The following PEMT variants were observed in gnomAD, a reference collection of about 807,000 sequenced individuals.
PEMT encodes phospholipid methyltransferase.
PEMT carries 23 observed loss-of-function variants against 27.4 expected under a neutral mutation model. The ratio of observed to expected loss-of-function variants is 0.84; its 90% CI spans 0.60 to 1.19. PEMT has a LOEUF of 1.19. Among genes scored for constraint, PEMT ranks in the 50% most tolerant of loss-of-function variants. The pLI, the probability that PEMT is intolerant of heterozygous loss-of-function variation, is 0.00. For synonymous variants in PEMT, 137 were observed against 139.1 expected (o/e 0.98, Z 0.11); for missense variants, 307 against 310.1 (o/e 0.99, Z 0.07).
chr17:17,581,359 T>C (rs1026626787), intron 1 of PEMT, among the ~76,000 whole-genome samples: 10 of 152,152 alleles, frequency 6.6e-5, no homozygotes, highest in African/African-American at 2.4e-4. Context: ...TAAAGCCTTG[T>C]TGTTAGCCTA....
chr17:17,576,434 G>C (rs1911593760), intron 2 of PEMT, among the ~76,000 whole-genome samples: 1 of 152,242 alleles, frequency 6.6e-6, no homozygotes, highest in Non-Finnish European at 1.5e-5. Context: ...GGTCCGGAAT[G>C]CGCAGGCCGT....
chr17:17,558,232 C>T (rs186653304), intron 2 of PEMT, among the ~76,000 whole-genome samples: 13 of 152,132 alleles, frequency 8.5e-5, no homozygotes, highest in African/African-American at 1.9e-4. Flanking sequence ...TAGGGCTGGG[C>T]GTGGTGGCTC....
At chr17:17,562,684 T>C (rs8079427) in intron 2 of PEMT, among the ~76,000 whole-genome samples, 95,720 of 152,048 alleles carry the variant, frequency 0.63, 31,133 homozygotes, top group African/African-American at 0.8. Flanking sequence ...TGGCACACAC[T>C]GGTAGTCCCA....
intron 2 of PEMT, chr17:17,570,705 A>G (rs886701200): frequency 1.0e-6 from 1 of 985,354 alleles, no homozygotes. Context: ...GGGACAGGGG[A>G]AAAGTTCCAT....
At chr17:17,556,534 T>C (rs1278357446) in intron 2 of PEMT, among the ~76,000 whole-genome samples, 1 of 152,096 alleles carries the variant, frequency 6.6e-6, no homozygotes, top group Admixed American at 6.6e-5. Context: ...CCACCACACC[T>C]GGCTGTTTTT....
At chr17:17,589,783 A>C (rs1257352880) in intron 1 of PEMT, among the ~76,000 whole-genome samples, 1 of 152,200 alleles carries the variant, frequency 6.6e-6, no homozygotes, top group African/African-American at 2.4e-5. Flanking sequence ...TTCTTTCTTT[A>C]AGAAAAATCC....
intron 4 of PEMT, among the ~76,000 whole-genome samples, chr17:17,509,791 T>TCGAG (rs1386379956): frequency 6.6e-6 from 1 of 152,176 alleles, no homozygotes; most frequent in East Asian, 1.9e-4. Context: ...GCTCCTCTTC[T>TCGAG]CGAGCACTCT....
chr17:17,519,880 G>A (rs891978931), intron 3 of PEMT, among the ~76,000 whole-genome samples: 11 of 152,210 alleles, frequency 7.2e-5, no homozygotes, highest in Non-Finnish European at 5.9e-5. Flanking sequence ...GCCTTGTGGC[G>A]CTGGCCGGTG....
intron 2 of PEMT, among the ~76,000 whole-genome samples, chr17:17,558,823 C>A (rs1910262307): frequency 6.6e-6 from 1 of 152,094 alleles, no homozygotes; most frequent in Admixed American, 6.6e-5. Flanking sequence ...CCAGCCGACA[C>A]CCCTCCCAGA....
intron 1 of PEMT, among the ~76,000 whole-genome samples, chr17:17,579,139 CA>C (rs528852327): frequency 2.8e-4 from 42 of 152,312 alleles, no homozygotes; most frequent in African/African-American, 9.9e-4. Flanking sequence ...CCCTGGGGGG[CA>C]AGCGCAGCCT....
At chr17:17,566,397 C>T (rs1342526223) in intron 2 of PEMT, among the ~76,000 whole-genome samples, 1 of 152,242 alleles carries the variant, frequency 6.6e-6, no homozygotes, top group African/African-American at 2.4e-5. Context: ...ACCATCCATG[C>T]CTCACAGCAC....
At chr17:17,568,427 C>T (rs1234556781) in intron 2 of PEMT, among the ~76,000 whole-genome samples, 2 of 152,268 alleles carry the variant, frequency 1.3e-5, no homozygotes, top group Non-Finnish European at 2.9e-5. Flanking sequence ...CCTTGTTAAT[C>T]CAGTGCCAGC....
chr17:17,522,125 GGGGTA>G (rs1334295479), intron 3 of PEMT, among the ~76,000 whole-genome samples, 150 bp downstream of exon 3: 4 of 152,202 alleles, frequency 2.6e-5, no homozygotes, highest in Admixed American at 2.6e-4. Context: ...ACGGCTGGGA[GGGGTA>G]GGGTGGCTTG....
chr17:17,567,684 C>T (rs904893716), intron 2 of PEMT, among the ~76,000 whole-genome samples: 3 of 152,186 alleles, frequency 2.0e-5, no homozygotes, highest in Admixed American at 6.5e-5. Context: ...CAGACAGGAG[C>T]GGGGGAGAGC....
chr17:17,524,118 C>T (rs569990547), intron 2 of PEMT, among the ~76,000 whole-genome samples: 6 of 152,290 alleles, frequency 3.9e-5, no homozygotes, highest in Middle Eastern at 3.4e-3. Context: ...CGGCTGAATA[C>T]GACTCCAGTA....
At chr17:17,557,730 G>A (rs1346363873) in intron 2 of PEMT, among the ~76,000 whole-genome samples, 1 of 152,224 alleles carries the variant, frequency 6.6e-6, no homozygotes, top group East Asian at 1.9e-4. Context: ...ACATTGCAGG[G>A]GCTGGTGACA....
At chr17:17,511,340 C>A (rs1906379518) in intron 4 of PEMT, among the ~76,000 whole-genome samples, 2 of 152,248 alleles carry the variant, frequency 1.3e-5, no homozygotes, top group African/African-American at 4.8e-5. Context: ...CACTGAACTG[C>A]CTGTGGGTGC....
chr17:17,591,635 C>T lies in PEMT; in HGVS notation c.-9G>A, dbSNP rs1224094378. 6.2e-7 allele frequency: 1 copy of T among 1,609,290 alleles called. No homozygotes were observed. The highest frequency in any genetic ancestry group is 8.5e-7 in the Non-Finnish European group (1 of 1,178,088). ...TTCCCAGATCTCTTCATCCGGGGGC[C>T]GCCTCAGGAGGCACCACGCGGGCCC... On this transcript the variant is annotated 5_prime_UTR_variant, in exon 1 of 7. Coordinates refer to ENST00000255389, the MANE Select transcript of PEMT (RefSeq NM_148172.3).
At chr17:17,509,751 T>A (rs1906211946) in intron 4 of PEMT, among the ~76,000 whole-genome samples, 1 of 152,116 alleles carries the variant, frequency 6.6e-6, no homozygotes, top group African/African-American at 2.4e-5. Context: ...GCCTAAGGAC[T>A]AAGGTGCTGA....
Sources: gnomAD v4.1 joint callset for allele counts (sites outside exome capture counted in the v4.1 genomes callset) on GRCh38, gnomAD v4.1.1 for gene constraint, MANE v1.5 for transcripts, NCBI Gene and HGNC (gene_info 2026-07-23, HGNC 2026-07-21) for gene names.